Variants in ABCC1 observed in about 807,000 individuals in gnomAD.
ABCC1 encodes multidrug resistance-associated protein 1.
A neutral mutation model predicts 172.9 loss-of-function variants in ABCC1; 83 were observed. That is an observed-to-expected ratio of 0.48 (90% CI 0.40 to 0.58). The LOEUF (loss-of-function observed/expected upper bound fraction) is 0.58. Among genes scored for constraint, ABCC1 ranks in the 20% least tolerant of loss-of-function variants. The pLI, the probability that ABCC1 is intolerant of heterozygous loss-of-function variation, is 0.00. For missense variants in ABCC1, 1,817 were observed against 2,002.7 expected (o/e 0.91, Z 1.77); for synonymous variants, 937 against 825.2 (o/e 1.14, Z -2.32).
intron 1 of ABCC1, among the ~76,000 whole-genome samples, chr16:15,951,306 TG>T (rs1416290535): frequency 6.6e-6 from 1 of 152,196 alleles, no homozygotes; most frequent in Non-Finnish European, 1.5e-5. Flanking sequence ...TGATGGCAAT[TG>T]GTAGTTGATG....
In ABCC1 at chr16:16,076,394, CTGAA is replaced by C; in HGVS notation, c.1984_1987del (p.Asn662AlafsTer78). 1 of 1,608,482 alleles carries C rather than the reference CTGAA, an allele frequency of 6.2e-7. No homozygotes were observed. The highest frequency in any genetic ancestry group is 8.5e-7 in the Non-Finnish European group (1 of 1,177,738). On this transcript the variant is annotated frameshift_variant, in exon 15 of 31. Coordinates refer to ENST00000399410, the MANE Select transcript of ABCC1 (RefSeq NM_004996.4). LOFTEE classifies it high-confidence loss of function. ...CTGGGCCAGGAGCGACCCTCCCACA[CTGAA>C]TGGGTAAGCCGGGACGTGGACACAC...
chr16:16,005,694 C>T lies in ABCC1; in HGVS notation c.49-2122C>T, dbSNP rs186239017. ...GCCAGAGACCGGGCGTGGTGGCTCA[C>T]GCCTGTCATTCCAACACTTTGGGAG... On this transcript the variant is annotated intron_variant, in intron 1 of 30. Transcript: ENST00000399410. Among the ~76,000 whole-genome samples the T allele has an allele frequency of 7.9e-5, 12 of 152,240 alleles. No individual in the cohort carries two copies. In the East Asian group the frequency reaches 9.7e-4, roughly 12 times the overall value.
At chr16:16,047,584 C>T (rs951191685) in intron 9 of ABCC1, among the ~76,000 whole-genome samples, 3 of 152,082 alleles carry the variant, frequency 2.0e-5, no homozygotes, top group African/African-American at 7.2e-5. Flanking sequence ...CAACTGGGGG[C>T]GAGGGCATGT....
intron 5 of ABCC1, among the ~76,000 whole-genome samples, chr16:16,031,790 C>T (rs1250001694): frequency 1.3e-5 from 2 of 152,000 alleles, no homozygotes; most frequent in Non-Finnish European, 2.9e-5. Flanking sequence ...TACTTTGTCT[C>T]ATTGGTAATA....
chr16:16,104,850 G>C (rs1206514341), intron 20 of ABCC1, among the ~76,000 whole-genome samples: 2 of 152,180 alleles, frequency 1.3e-5, no homozygotes, highest in South Asian at 2.1e-4. Flanking sequence ...GAGAAATCAA[G>C]TGCAGCAGCT....
chr16:16,001,273 G>A (rs1417717464), intron 1 of ABCC1, among the ~76,000 whole-genome samples: 1 of 152,134 alleles, frequency 6.6e-6, no homozygotes, highest in African/African-American at 2.4e-5. Flanking sequence ...GTGCAGTGGC[G>A]CGATCTCGGC....
At chr16:16,130,334 T>A (rs2045624449) in intron 26 of ABCC1, among the ~76,000 whole-genome samples, 1 of 151,194 alleles carries the variant, frequency 6.6e-6, no homozygotes, top group Non-Finnish European at 1.5e-5. Flanking sequence ...AATATTTATT[T>A]AAATTTTTTT....
chr16:16,110,291 C>A (rs2052330962), intron 21 of ABCC1, among the ~76,000 whole-genome samples: 1 of 152,094 alleles, frequency 6.6e-6, no homozygotes, highest in Non-Finnish European at 1.5e-5. Context: ...ATCATGTTGG[C>A]CAGGCTGGTC....
At chr16:15,968,209 A>G (rs929489382) in intron 1 of ABCC1, among the ~76,000 whole-genome samples, 1 of 151,658 alleles carries the variant, frequency 6.6e-6, no homozygotes, top group South Asian at 2.1e-4. Flanking sequence ...TAATTTTTGT[A>G]TTTTTAGTAG....
chr16:16,086,112 G>A (rs536615847), intron 17 of ABCC1, among the ~76,000 whole-genome samples: 1 of 152,168 alleles, frequency 6.6e-6, no homozygotes, highest in Non-Finnish European at 1.5e-5. Context: ...ATATGACCAC[G>A]TCCACCAGCG....
chr16:16,141,592 G>C lies in ABCC1; in HGVS notation c.*311G>C. ...AAGTGGTTTCCTGGTGCTTCCCACG[G>C]AGGAGTTTTGGCAGCCAGACTTCTG... On this transcript the variant is annotated 3_prime_UTR_variant, in exon 31 of 31. Coordinates refer to ENST00000399410, the MANE Select transcript of ABCC1 (RefSeq NM_004996.4). 1 of 357,034 alleles carries C rather than the reference G, an allele frequency of 2.8e-6. No homozygotes were observed. The highest frequency in any genetic ancestry group is 5.0e-5 in the South Asian group (1 of 20,200). The allele number at this position is 357,034 out of a possible 1,614,324, so 22.1% of individuals were successfully genotyped here.
intron 5 of ABCC1, among the ~76,000 whole-genome samples, chr16:16,017,876 C>T (rs2048059064): frequency 6.6e-6 from 1 of 151,966 alleles, no homozygotes; most frequent in South Asian, 2.1e-4. Flanking sequence ...AAGAGTGTTC[C>T]AGGCAGAGGG....
intron 1 of ABCC1, among the ~76,000 whole-genome samples, chr16:15,952,845 C>T (rs1271111031): frequency 7.3e-6 from 1 of 136,618 alleles, no homozygotes; most frequent in Non-Finnish European, 1.5e-5. Flanking sequence ...GCCTAGGCAA[C>T]ATGGATTGAC....
At chr16:16,127,708 G>T (rs2045495486) in intron 26 of ABCC1, among the ~76,000 whole-genome samples, 1 of 152,090 alleles carries the variant, frequency 6.6e-6, no homozygotes. Context: ...GTGAGACCAA[G>T]GCCTCTGTAA....
chr16:16,005,247 G>A (rs775094155), intron 1 of ABCC1, among the ~76,000 whole-genome samples: 9 of 151,644 alleles, frequency 5.9e-5, no homozygotes, highest in African/African-American at 1.7e-4. Context: ...TTTGGGGACC[G>A]CAGCCAAATG....
chr16:16,036,406 G>A, intron 6 of ABCC1, 66 bp from the exon 7 acceptor site: 2 of 1,499,780 alleles, frequency 1.3e-6, no homozygotes, highest in Non-Finnish European at 1.8e-6. Context: ...GAGTGAGTGA[G>A]CCCCGTCCTC....
intron 21 of ABCC1, among the ~76,000 whole-genome samples, chr16:16,107,717 C>T (rs889212896): frequency 3.3e-5 from 5 of 152,230 alleles, no homozygotes; most frequent in African/African-American, 1.2e-4. Context: ...TTTTGAGCTC[C>T]TGTTTTATTG....
chr16:16,061,772 C>CTT (rs201926082), intron 12 of ABCC1, among the ~76,000 whole-genome samples: 70 of 116,224 alleles, frequency 6.0e-4, no homozygotes, highest in Non-Finnish European at 9.3e-4. Context: ...TTCTTTTTTT[C>CTT]TTTTTTTTTT....
At chr16:16,038,082 TGATA>T (rs1428131446) in intron 7 of ABCC1, among the ~76,000 whole-genome samples, 3 of 151,082 alleles carry the variant, frequency 2.0e-5, no homozygotes, top group East Asian at 3.9e-4. Context: ...GATAGATGGA[TGATA>T]GATTGATAGA....
Sources: gnomAD v4.1 joint callset for allele counts (sites outside exome capture counted in the v4.1 genomes callset) on GRCh38, gnomAD v4.1.1 for gene constraint, MANE v1.5 for transcripts, NCBI Gene and HGNC (gene_info 2026-07-23, HGNC 2026-07-21) for gene names.